Variants in TMEM132C observed in about 807,000 individuals in gnomAD.
The protein encoded by TMEM132C is protein phosphatase 1, regulatory subunit 152.
TMEM132C carries 29 observed loss-of-function variants against 61.4 expected under a neutral mutation model. That is an observed-to-expected ratio of 0.47 (90% CI 0.35 to 0.64). The LOEUF is 0.64. Ranked by LOEUF, TMEM132C falls within the 30% of genes least tolerant of loss-of-function variation. The probability of loss-of-function intolerance (pLI) is 0.00; values close to 1 mark genes in which losing one functional copy is unlikely to be tolerated. For missense variants in TMEM132C, 1,408 were observed against 1,476.9 expected (o/e 0.95, Z 0.76); for synonymous variants, 656 against 633.1 (o/e 1.04, Z -0.54).
intron 3 of TMEM132C, among the ~76,000 whole-genome samples, chr12:128,614,524 G>A (rs1876735120): frequency 6.6e-6 from 1 of 152,144 alleles, no homozygotes; most frequent in Non-Finnish European, 1.5e-5. Context: ...CTTAGGCAAG[G>A]ATCTGTAAAG....
intron 2 of TMEM132C, among the ~76,000 whole-genome samples, chr12:128,504,650 A>G (rs879240388): frequency 5.9e-5 from 9 of 151,996 alleles, no homozygotes; most frequent in African/African-American, 2.2e-4. Context: ...GAGAGTGAAA[A>G]GAGAGAGGTC....
intron 2 of TMEM132C, among the ~76,000 whole-genome samples, chr12:128,456,750 C>T (rs1870358509): frequency 6.6e-6 from 1 of 152,080 alleles, no homozygotes; most frequent in Non-Finnish European, 1.5e-5. Flanking sequence ...GTAACCCATA[C>T]CTCTAAGAAG....
intron 1 of TMEM132C, among the ~76,000 whole-genome samples, chr12:128,318,032 A>C (rs1435832719): frequency 3.3e-5 from 5 of 152,232 alleles, no homozygotes; most frequent in Admixed American, 2.0e-4. Context: ...TATGTGAGTT[A>C]GTTTAGACAA....
chr12:128,545,005 T>C (rs1205070623), intron 3 of TMEM132C, among the ~76,000 whole-genome samples: 1 of 152,238 alleles, frequency 6.6e-6, no homozygotes, highest in Non-Finnish European at 1.5e-5. Context: ...GGGGTACATG[T>C]GCAGGTTTGT....
chr12:128,682,680 G>A (rs1247110494), intron 5 of TMEM132C, among the ~76,000 whole-genome samples: 2 of 152,180 alleles, frequency 1.3e-5, no homozygotes, highest in Admixed American at 6.5e-5. Flanking sequence ...ACAGAGCATC[G>A]CCCGCCCCAG....
chr12:128,442,000 C>G (rs533218867), intron 2 of TMEM132C, among the ~76,000 whole-genome samples: 1 of 152,128 alleles, frequency 6.6e-6, no homozygotes, highest in South Asian at 2.1e-4. Flanking sequence ...GACTCCATCT[C>G]TAATTAATAA....
At chr12:128,449,969 G>C (rs1175736068) in intron 2 of TMEM132C, among the ~76,000 whole-genome samples, 2 of 152,194 alleles carry the variant, frequency 1.3e-5, no homozygotes, top group African/African-American at 2.4e-5. Flanking sequence ...ATGAAGATTT[G>C]ACGATCCCAG....
intron 1 of TMEM132C, among the ~76,000 whole-genome samples, chr12:128,375,055 C>T (rs998818311): frequency 2.6e-5 from 4 of 151,772 alleles, no homozygotes; most frequent in Non-Finnish European, 5.9e-5. Flanking sequence ...TGGGGGGTAT[C>T]CTGTGTACTA....
rs532486637 is a variant in TMEM132C, at chr12:128,538,022, C to T, written c.975-5935C>T. Among the ~76,000 whole-genome samples the T allele has an allele frequency of 1.6e-4, 24 of 152,152 alleles. No homozygotes were observed. In the South Asian group the frequency reaches 5.0e-3, roughly 32 times the overall value. ...TGTAGCAGTGCTATCATAGCTCCTC[C>T]TGGCCTCAAGTGATCCTGCTGCCTC... is the stretch of plus-strand genomic sequence containing the variant. On this transcript the variant is annotated intron_variant, in intron 2 of 8. Coordinates refer to ENST00000435159, the MANE Select transcript of TMEM132C (RefSeq NM_001136103.3).
At chr12:128,304,633 GAAAGAA>G (rs1449482345) in intron 1 of TMEM132C, among the ~76,000 whole-genome samples, 92 of 102,234 alleles carry the variant, frequency 9.0e-4, no homozygotes, top group African/African-American at 2.0e-3. Context: ...AAGAAAGAAA[GAAAGAA>G]AAAAAAGAAA....
chr12:128,696,234 G>A, intron 7 of TMEM132C, 131 bp downstream of exon 7: 1 of 1,278,318 alleles, frequency 7.8e-7, no homozygotes, highest in Non-Finnish European at 1.1e-6. Context: ...AGGAAGATGA[G>A]CCCAGGCCAG....
At chr12:128,586,277 A>G (rs137966452) in intron 3 of TMEM132C, among the ~76,000 whole-genome samples, 48 of 152,006 alleles carry the variant, frequency 3.2e-4, no homozygotes, top group African/African-American at 1.1e-3. Context: ...AAAAAGTTAA[A>G]CAATGACCAT....
At chr12:128,344,804 A>G (rs1873096927) in intron 1 of TMEM132C, among the ~76,000 whole-genome samples, 1 of 152,170 alleles carries the variant, frequency 6.6e-6, no homozygotes, top group South Asian at 2.1e-4. Flanking sequence ...TTGGTTCTAT[A>G]TATCTATATA....
chr12:128,549,509 C>G (rs1874082229), intron 3 of TMEM132C, among the ~76,000 whole-genome samples: 1 of 152,138 alleles, frequency 6.6e-6, no homozygotes, highest in African/African-American at 2.4e-5. Context: ...CATCCCCTTT[C>G]CCATGTTCGT....
In TMEM132C at chr12:128,432,618, T is replaced by C. The variant is rs1452477273; in HGVS notation, c.974+16998T>C. ...TGACTGAATTGCTGCAATCTCATGA[T>C]AAAATTTGGAAAATGAAGAATGACT... On this transcript the variant is annotated intron_variant, in intron 2 of 8. Transcript: ENST00000435159. Among the ~76,000 whole-genome samples, 5 of 152,322 alleles carry C rather than the reference T, an allele frequency of 3.3e-5. No homozygotes were observed. The East Asian group carries it at 7.7e-4, about 23-fold the overall frequency.
intron 4 of TMEM132C, among the ~76,000 whole-genome samples, chr12:128,661,559 T>TA (rs55750879): frequency 0.052 from 6,874 of 131,678 alleles, 179 homozygotes; most frequent in Non-Finnish European, 0.054. Flanking sequence ...GAGAAGATGC[T>TA]AAAAAAAAAA....
intron 3 of TMEM132C, among the ~76,000 whole-genome samples, chr12:128,586,038 C>G (rs561238363): frequency 6.6e-6 from 1 of 151,988 alleles, no homozygotes; most frequent in Non-Finnish European, 1.5e-5. Flanking sequence ...CGGTGCAGAT[C>G]GCAAATTTTA....
chr12:128,547,375 G>A (rs577338882), intron 3 of TMEM132C, among the ~76,000 whole-genome samples: 10 of 144,680 alleles, frequency 6.9e-5, no homozygotes, highest in African/African-American at 2.3e-4. Flanking sequence ...ATCCCATTGT[G>A]AAACCCCATC....
intron 4 of TMEM132C, among the ~76,000 whole-genome samples, chr12:128,653,386 G>A (rs577073077): frequency 1.4e-4 from 21 of 152,172 alleles, no homozygotes; most frequent in Admixed American, 7.9e-4. Flanking sequence ...TGTGTGCATC[G>A]TATGGTGTTT....
Sources: gnomAD v4.1 joint callset for allele counts (sites outside exome capture counted in the v4.1 genomes callset) on GRCh38, gnomAD v4.1.1 for gene constraint, MANE v1.5 for transcripts, NCBI Gene and HGNC (gene_info 2026-07-23, HGNC 2026-07-21) for gene names.